AKR1C8: variants seen among roughly 807,000 people sequenced by gnomAD.
The protein encoded by AKR1C8 is aldo-keto reductase family 1 member C-like protein 1.
chr10:5,122,058 G>A, the AKR1C8 span: 45 of 195,594 alleles, frequency 2.3e-4, no homozygotes, highest in Middle Eastern at 1.8e-3. Context: ...GCAGAAAATG[G>A]TCTGTGAAAG....
chr10:5,177,656 A>T, the AKR1C8 span, among the ~76,000 whole-genome samples: 1 of 152,146 alleles, frequency 6.6e-6, no homozygotes, highest in Non-Finnish European at 1.5e-5. Flanking sequence ...ACAATTTCAG[A>T]ACCTGTTATT....
the AKR1C8 span, chr10:5,157,874 C>G: frequency 2.5e-6 from 1 of 394,752 alleles, no homozygotes; most frequent in South Asian, 2.0e-5. Context: ...TCCTTTTCCC[C>G]AAATTCTCCA....
the AKR1C8 span, among the ~76,000 whole-genome samples, chr10:5,170,254 C>T: frequency 1.3e-5 from 2 of 152,082 alleles, no homozygotes; most frequent in Non-Finnish European, 2.9e-5. Context: ...AGAATTTAAA[C>T]AGTAGAAAAT....
the AKR1C8 span, chr10:5,185,047 G>T: frequency 7.5e-6 from 4 of 534,592 alleles, no homozygotes; most frequent in East Asian, 1.1e-4. Context: ...CCCAGCACTG[G>T]CATGAAGGGT....
the AKR1C8 span, among the ~76,000 whole-genome samples, chr10:5,156,753 A>G: frequency 2.6e-5 from 4 of 152,194 alleles, no homozygotes; most frequent in African/African-American, 9.6e-5. Context: ...AGATTTACCT[A>G]TTTAATTTTT....
At chr10:5,119,445 T>A in the AKR1C8 span, among the ~76,000 whole-genome samples, 1 of 152,202 alleles carries the variant, frequency 6.6e-6, no homozygotes, top group South Asian at 2.1e-4. Context: ...AAAACAAGCA[T>A]AAATATTTGC....
chr10:5,168,616 T>C, the AKR1C8 span, among the ~76,000 whole-genome samples: 31 of 152,168 alleles, frequency 2.0e-4, no homozygotes. Context: ...GATGTTATGT[T>C]ACTCTTAAAC....
chr10:5,132,434 G>T, the AKR1C8 span, among the ~76,000 whole-genome samples: 1 of 152,166 alleles, frequency 6.6e-6, no homozygotes, highest in African/African-American at 2.4e-5. Flanking sequence ...TGATGAGAAA[G>T]ACATCATCAT....
the AKR1C8 span, among the ~76,000 whole-genome samples, chr10:5,141,030 A>C: frequency 1.3e-5 from 2 of 152,138 alleles, no homozygotes; most frequent in African/African-American, 4.8e-5. Flanking sequence ...GACAGCTTAC[A>C]CAGTGTGGAA....
chr10:5,161,825 T>C, the AKR1C8 span: 3 of 534,570 alleles, frequency 5.6e-6, no homozygotes, highest in South Asian at 4.2e-5. Flanking sequence ...TGAAACAGTC[T>C]TGGGCATAAC....
the AKR1C8 span, among the ~76,000 whole-genome samples, chr10:5,146,140 T>C: frequency 4.3e-5 from 6 of 140,438 alleles, no homozygotes; most frequent in Non-Finnish European, 6.0e-5. Context: ...TAGGTGGGAA[T>C]TGAACAATGA....
At chr10:5,181,690 T>G in the AKR1C8 span, among the ~76,000 whole-genome samples, 1 of 152,202 alleles carries the variant, frequency 6.6e-6, no homozygotes, top group Non-Finnish European at 1.5e-5. Flanking sequence ...TGTCTAAGAT[T>G]CTAATGTCTA....
chr10:5,175,137 C>G, the AKR1C8 span, among the ~76,000 whole-genome samples: 1 of 143,682 alleles, frequency 7.0e-6, no homozygotes, highest in Non-Finnish European at 1.5e-5. Context: ...CCCCCAACCC[C>G]GCAACAGTCC....
the AKR1C8 span, among the ~76,000 whole-genome samples, chr10:5,148,510 A>C: frequency 6.6e-6 from 1 of 152,168 alleles, no homozygotes; most frequent in African/African-American, 2.4e-5. Flanking sequence ...GGGAACTGCA[A>C]TATCTAAAGG....
the AKR1C8 span, among the ~76,000 whole-genome samples, chr10:5,128,154 G>A: frequency 6.6e-6 from 1 of 152,092 alleles, no homozygotes; most frequent in African/African-American, 2.4e-5. Context: ...ATAACTGTCA[G>A]CCAGAAATTT....
the AKR1C8 span, among the ~76,000 whole-genome samples, chr10:5,135,664 C>A: frequency 3.0e-4 from 45 of 152,160 alleles, no homozygotes; most frequent in African/African-American, 1.1e-3. Context: ...AAAACAACTC[C>A]AGCAACAAGT....
the AKR1C8 span, among the ~76,000 whole-genome samples, chr10:5,136,217 A>AT: frequency 2.0e-5 from 3 of 152,160 alleles, no homozygotes; most frequent in Non-Finnish European, 2.9e-5. Flanking sequence ...ACATGCCTTA[A>AT]TTTTTACTTG....
At chr10:5,177,066 G>A in the AKR1C8 span, among the ~76,000 whole-genome samples, 1 of 152,082 alleles carries the variant, frequency 6.6e-6, no homozygotes, top group Non-Finnish European at 1.5e-5. Flanking sequence ...AGTTTTCAAA[G>A]GGAATGCTTC....
At chr10:5,155,804 C>A in the AKR1C8 span, 1 of 449,700 alleles carries the variant, frequency 2.2e-6, no homozygotes, top group Non-Finnish European at 4.6e-6. Flanking sequence ...AGGGCAGCAG[C>A]TTCTACATGG....
Sources: gnomAD v4.1 joint callset for allele counts (sites outside exome capture counted in the v4.1 genomes callset) on GRCh38, gnomAD v4.1.1 for gene constraint, MANE v1.5 for transcripts, NCBI Gene and HGNC (gene_info 2026-07-23, HGNC 2026-07-21) for gene names.